Variants in FTO observed in about 807,000 individuals in gnomAD.
FTO encodes the protein alpha-ketoglutarate-dependent dioxygenase FTO.
In FTO, 47 loss-of-function variants were observed where a neutral mutation model predicts 63.9. That is an observed-to-expected ratio of 0.74 (90% CI 0.58 to 0.94). FTO has a LOEUF of 0.94. Ranked by LOEUF, FTO falls within the 40% of genes least tolerant of loss-of-function variation. The pLI is 0.00. For missense variants in FTO, 562 were observed against 618.1 expected, an observed-to-expected ratio of 0.91 and a Z score of 0.96; for synonymous variants, 207 against 224.4, an observed-to-expected ratio of 0.92 and a Z score of 0.69.
chr16:53,883,728 C>A (rs2080922963), intron 6 of FTO, among the ~76,000 whole-genome samples: 1 of 149,740 alleles, frequency 6.7e-6, no homozygotes, highest in South Asian at 2.1e-4. Flanking sequence ...TGTACTGTAT[C>A]AGAAACCTCG....
At chr16:53,714,664 G>T (rs2075850808) in intron 1 of FTO, among the ~76,000 whole-genome samples, 1 of 152,150 alleles carries the variant, frequency 6.6e-6, no homozygotes, top group Non-Finnish European at 1.5e-5. Flanking sequence ...CAAATCAGCA[G>T]CCAATATGCT....
In FTO at chr16:54,058,815, A is replaced by AAAAT. The variant is rs577461841; in HGVS notation, c.1365-52931_1365-52928dup. Among the ~76,000 whole-genome samples, 399 of 152,282 alleles carry AAAAT rather than the reference A, an allele frequency of 2.6e-3. 1 individual carries two copies. The highest frequency in any genetic ancestry group is 9.1e-3 in the African/African-American group (380 of 41,556). On this transcript the variant is annotated intron_variant, in intron 8 of 8. Coordinates refer to ENST00000471389, the MANE Select transcript of FTO (RefSeq NM_001080432.3). ...TTGCTTTTTTCCCTCCTCTCTTTAA[A>AAAAT]AAATAAATAAATAAATAAAAAATCT...
chr16:53,839,779 A>T (rs1034087760), intron 3 of FTO, among the ~76,000 whole-genome samples: 626 of 41,070 alleles, frequency 0.015, 4 homozygotes, highest in Non-Finnish European at 0.017. Context: ...CTTTTTTTTT[A>T]TTTATTTATT....
intron 2 of FTO, among the ~76,000 whole-genome samples, chr16:53,818,399 A>G (rs536752027): frequency 1.3e-5 from 2 of 152,294 alleles, no homozygotes; most frequent in South Asian, 4.1e-4. Context: ...AAATAGTACC[A>G]GAAGTTCTCT....
At chr16:53,765,840 C>T (rs1197398275) in intron 1 of FTO, among the ~76,000 whole-genome samples, 1 of 152,008 alleles carries the variant, frequency 6.6e-6, no homozygotes. Context: ...GGAATGAGGC[C>T]AGATCATGAG....
At position 53,783,604 on chromosome 16, in the gene FTO, T is replaced by TATCAA. The variant is rs397716766; in HGVS notation, c.46-26535_46-26534insTCAAA. Among the ~76,000 whole-genome samples the TATCAA allele has an allele frequency of 4.9e-3, 335 of 68,096 alleles. 6 individuals carry two copies. The highest frequency in any genetic ancestry group is 0.043 in the Middle Eastern group (3 of 70). 44.7% of individuals were successfully genotyped at this position (68,096 alleles called of 152,430 possible). A position where few individuals can be genotyped will look rare whatever the true frequency, so the allele number is the denominator to read the frequency against. On this transcript the variant is annotated intron_variant, in intron 1 of 8. Coordinates refer to ENST00000471389, the MANE Select transcript of FTO (RefSeq NM_001080432.3). ...GCCTGGGTGACAGAGCAAGACTCCA[T>TATCAA]AAAAAAAAAAAAAAAAAAAAAAAGT...
At chr16:53,850,732 C>A (rs981550583) in intron 4 of FTO, among the ~76,000 whole-genome samples, 1 of 151,668 alleles carries the variant, frequency 6.6e-6, no homozygotes, top group African/African-American at 2.4e-5. Flanking sequence ...GACTCTCATT[C>A]TGACACTCAC....
intron 8 of FTO, among the ~76,000 whole-genome samples, chr16:53,980,831 T>G (rs2083525771): frequency 6.6e-6 from 1 of 152,182 alleles, no homozygotes; most frequent in Admixed American, 6.5e-5. Flanking sequence ...CGGCATTGTT[T>G]CTCTTTCCCA....
At chr16:54,095,193 CT>C (rs1425109514) in intron 8 of FTO, among the ~76,000 whole-genome samples, 1 of 152,202 alleles carries the variant, frequency 6.6e-6, no homozygotes, top group Non-Finnish European at 1.5e-5. Context: ...ACTTATGCCA[CT>C]GTGCCTGGCT....
At chr16:54,065,716 G>A (rs904153277) in intron 8 of FTO, among the ~76,000 whole-genome samples, 5 of 152,104 alleles carry the variant, frequency 3.3e-5, no homozygotes, top group Admixed American at 6.5e-5. Context: ...AGAGAAAACC[G>A]GGCCACCTCT....
chr16:54,092,498 C>T (rs1423685103), intron 8 of FTO, among the ~76,000 whole-genome samples: 1 of 152,194 alleles, frequency 6.6e-6, no homozygotes, highest in Non-Finnish European at 1.5e-5. Context: ...AAGAGCAAGT[C>T]ATGGCTGTCC....
intron 1 of FTO, among the ~76,000 whole-genome samples, chr16:53,732,041 ATTT>A (rs375814669): frequency 0.55 from 55,907 of 102,540 alleles, 12,901 homozygotes; most frequent in Middle Eastern, 0.67. Context: ...TTGTGGCCTT[ATTT>A]TTTTTTTTTT....
intron 8 of FTO, among the ~76,000 whole-genome samples, chr16:54,023,371 G>A (rs1163510424): frequency 1.3e-5 from 2 of 152,214 alleles, no homozygotes; most frequent in African/African-American, 4.8e-5. Context: ...CGGTAGAGCA[G>A]TTGAGTGAAA....
At chr16:53,788,756 C>T (rs986789678) in intron 1 of FTO, among the ~76,000 whole-genome samples, 2 of 151,920 alleles carry the variant, frequency 1.3e-5, no homozygotes, top group African/African-American at 4.8e-5. Context: ...GTTACCTCAG[C>T]GGGGGTAGGG....
In FTO at chr16:53,884,729, TG is replaced by T. The variant is rs537578758; in HGVS notation, c.1120-4102del. Among the ~76,000 whole-genome samples, 248 of 152,340 alleles carry T rather than the reference TG, an allele frequency of 1.6e-3. 1 individual carries two copies. Among genetic ancestry groups the T allele is most frequent in the African/African-American group, 5.7e-3 (237 of 41,576 alleles). ...TTAGCTTTGCTCTCCAATGCCTAAGTGCCCAATGACTGAAGTCCAGATATGT... is the reference window on the plus strand; with the variant it reads ...TTAGCTTTGCTCTCCAATGCCTAAGTCCCAATGACTGAAGTCCAGATATGT... On this transcript the variant is annotated intron_variant, in intron 6 of 8. Transcript: ENST00000471389.
At chr16:54,041,620 G>A (rs4784349) in intron 8 of FTO, among the ~76,000 whole-genome samples, 67,032 of 151,954 alleles carry the variant, frequency 0.44, 17,284 homozygotes, top group African/African-American at 0.71. Context: ...ATCCTTTCTG[G>A]CTGCCCTGCT....
At chr16:54,066,412 T>C (rs554491730) in intron 8 of FTO, among the ~76,000 whole-genome samples, 1 of 152,310 alleles carries the variant, frequency 6.6e-6, no homozygotes, top group East Asian at 1.9e-4. Context: ...TCCACAATTA[T>C]GAAAATCTCA....
chr16:53,790,579 C>CAAAAAAAAAAAAAAAAAAAAAAGAA (rs34860208), intron 1 of FTO, among the ~76,000 whole-genome samples: 2 of 55,214 alleles, frequency 3.6e-5, no homozygotes, highest in Non-Finnish European at 6.4e-5. Context: ...CAAAATAAAG[C>CAAAAAAAAAAAAAAAAAAAAAAGAA]AAAAAAAAAA....
At chr16:53,916,913 A>C (rs1219757144) in intron 7 of FTO, among the ~76,000 whole-genome samples, 3 of 152,212 alleles carry the variant, frequency 2.0e-5, no homozygotes, top group Non-Finnish European at 2.9e-5. Flanking sequence ...GAGTTTAAAA[A>C]ATGATGCTGT....
Sources: allele counts gnomAD v4.1 joint callset (sites outside exome capture counted in the v4.1 genomes callset), GRCh38; gene constraint gnomAD v4.1.1; transcripts MANE v1.5; gene names NCBI Gene and HGNC (gene_info 2026-07-23, HGNC 2026-07-21).